SH3RF3: variants seen among roughly 807,000 people sequenced by gnomAD.
The protein encoded by SH3RF3 is E3 ubiquitin-protein ligase SH3RF3.
In SH3RF3, 29 loss-of-function variants were observed where a neutral mutation model predicts 66.3. The ratio of observed to expected loss-of-function variants is 0.44; its 90% CI spans 0.33 to 0.60. The LOEUF is 0.60. SH3RF3 is among the 20% of genes least tolerant of loss of function. SH3RF3 has a pLI of 0.04. For synonymous variants in SH3RF3, 583 were observed against 532.0 expected (o/e 1.10, Z -1.32); for missense variants, 1,194 against 1,190.9 (o/e 1.00, Z -0.04).
At position 109,347,789 on chromosome 2, in the gene SH3RF3, A is replaced by G. The variant is rs753537697; in HGVS notation, c.689A>G (p.Gln230Arg). The stretch of plus-strand genomic sequence containing the variant: ...GTCCTGCGGCGCAAGGTGGATGAAC[A>G]GTGGTACCACGGCGAGCTGCACGGC... ...IIVLRRKVDE[Q>R]WYHGELHGTQ... Residue 230 changes from glutamine to arginine, a missense_variant, in exon 2 of 10, where the codon CAG becomes CGG. Coordinates refer to ENST00000309415, the MANE Select transcript of SH3RF3 (RefSeq NM_001099289.3). 6.2e-7 allele frequency: 1 copy of G among 1,613,988 alleles called. No individual in the cohort carries two copies. Among genetic ancestry groups the G allele is most frequent in the East Asian group, 2.2e-5 (1 of 44,876 alleles).
intron 1 of SH3RF3, among the ~76,000 whole-genome samples, chr2:109,135,716 A>T (rs936787707): frequency 6.6e-6 from 1 of 152,006 alleles, no homozygotes; most frequent in African/African-American, 2.4e-5. Flanking sequence ...TTGCCTCTAG[A>T]TTCAGTCAGT....
chr2:109,339,282 G>C (rs942764834), intron 1 of SH3RF3, among the ~76,000 whole-genome samples: 19 of 151,954 alleles, frequency 1.3e-4, no homozygotes, highest in African/African-American at 4.1e-4. Context: ...CTGTTTTTTG[G>C]GGGGGTGGGG....
At chr2:109,202,553 C>T (rs571932898) in intron 1 of SH3RF3, among the ~76,000 whole-genome samples, 37 of 152,364 alleles carry the variant, frequency 2.4e-4, no homozygotes, top group African/African-American at 8.9e-4. Flanking sequence ...TCCTTCCCCT[C>T]CCAGCAGTCA....
chr2:109,252,256 A>G (rs1680111101), intron 1 of SH3RF3, among the ~76,000 whole-genome samples: 1 of 139,682 alleles, frequency 7.2e-6, no homozygotes, highest in Admixed American at 6.8e-5. Context: ...TCAGAGGAGA[A>G]AAAAAAAAAA....
intron 1 of SH3RF3, among the ~76,000 whole-genome samples, chr2:109,330,927 G>A (rs1682268080): frequency 6.6e-6 from 1 of 152,224 alleles, no homozygotes; most frequent in African/African-American, 2.4e-5. Flanking sequence ...CTTGCACAGT[G>A]TGTGCAGTGG....
intron 8 of SH3RF3, among the ~76,000 whole-genome samples, chr2:109,462,855 T>TC (rs1053045023): frequency 2.6e-5 from 4 of 152,198 alleles, no homozygotes; most frequent in African/African-American, 9.6e-5. Context: ...CATAAGCCCG[T>TC]CCCTGACTGG....
At chr2:109,286,660 C>T (rs1253602572) in intron 1 of SH3RF3, among the ~76,000 whole-genome samples, 1 of 152,186 alleles carries the variant, frequency 6.6e-6, no homozygotes, top group African/African-American at 2.4e-5. Context: ...AAGCAGGAAT[C>T]TTTTCCCCCT....
intron 1 of SH3RF3, among the ~76,000 whole-genome samples, chr2:109,181,730 C>G (rs1307257393): frequency 6.6e-6 from 1 of 152,212 alleles, no homozygotes; most frequent in Non-Finnish European, 1.5e-5. Flanking sequence ...TCTTTCTTCT[C>G]CAGCCATGGT....
At chr2:109,485,240 G>A (rs1187492528) in intron 8 of SH3RF3, among the ~76,000 whole-genome samples, 1 of 102,234 alleles carries the variant, frequency 9.8e-6, no homozygotes, top group Non-Finnish European at 2.4e-5. Flanking sequence ...GAAAGAAGTG[G>A]TGGGACAGCC....
intron 1 of SH3RF3, among the ~76,000 whole-genome samples, chr2:109,279,799 G>A (rs1356949668): frequency 1.3e-5 from 2 of 152,216 alleles, no homozygotes; most frequent in Non-Finnish European, 2.9e-5. Context: ...GGCCGGGCAA[G>A]AAGAGGTCCG....
chr2:109,206,213 G>A (rs1035566274), intron 1 of SH3RF3, among the ~76,000 whole-genome samples: 1 of 152,076 alleles, frequency 6.6e-6, no homozygotes, highest in African/African-American at 2.4e-5. Context: ...AGGCTGGGCC[G>A]GGCACGGTGG....
intron 1 of SH3RF3, among the ~76,000 whole-genome samples, chr2:109,177,718 A>G (rs539362627): frequency 2.8e-4 from 43 of 152,222 alleles, no homozygotes; most frequent in Non-Finnish European, 5.6e-4. Context: ...TAGGACAGGT[A>G]GACTTCCCAG....
At chr2:109,246,948 C>T (rs1287262173) in intron 1 of SH3RF3, among the ~76,000 whole-genome samples, 2 of 152,298 alleles carry the variant, frequency 1.3e-5, no homozygotes, top group South Asian at 2.1e-4. Context: ...CTTGAGGAGG[C>T]GTTCCCAGAG....
chr2:109,313,314 C>T (rs7570470), intron 1 of SH3RF3, among the ~76,000 whole-genome samples: 47,507 of 152,178 alleles, frequency 0.31, 9,199 homozygotes, highest in African/African-American at 0.55. Flanking sequence ...AGGGGGGAGG[C>T]TGGCATCTGT....
At chr2:109,346,879 G>A (rs961056893) in intron 1 of SH3RF3, among the ~76,000 whole-genome samples, 2 of 152,142 alleles carry the variant, frequency 1.3e-5, no homozygotes, top group African/African-American at 2.4e-5. Context: ...TGTACTTCTG[G>A]AACAGACTGC....
At chr2:109,221,787 A>G (rs1679249874) in intron 1 of SH3RF3, among the ~76,000 whole-genome samples, 1 of 152,170 alleles carries the variant, frequency 6.6e-6, no homozygotes, top group African/African-American at 2.4e-5. Context: ...CACTATGGAA[A>G]CCAGTAGGAA....
intron 1 of SH3RF3, among the ~76,000 whole-genome samples, chr2:109,306,311 A>T (rs1325724412): frequency 1.3e-5 from 2 of 152,112 alleles, no homozygotes; most frequent in African/African-American, 2.4e-5. Context: ...CCACCCTGCG[A>T]TGTTGTTCTG....
At chr2:109,232,831 CA>C (rs1161835568) in intron 1 of SH3RF3, among the ~76,000 whole-genome samples, 1 of 152,176 alleles carries the variant, frequency 6.6e-6, no homozygotes, top group South Asian at 2.1e-4. Flanking sequence ...AATTTTAATG[CA>C]AAATTTTATC....
intron 2 of SH3RF3, among the ~76,000 whole-genome samples, chr2:109,355,921 G>A (rs557254574): frequency 6.6e-5 from 10 of 152,190 alleles, no homozygotes; most frequent in Non-Finnish European, 8.8e-5. Context: ...ACAAATCAGA[G>A]TCCTGTTGTG....
Sources: gnomAD v4.1 joint callset for allele counts (sites outside exome capture counted in the v4.1 genomes callset) on GRCh38, gnomAD v4.1.1 for gene constraint, MANE v1.5 for transcripts, NCBI Gene and HGNC (gene_info 2026-07-23, HGNC 2026-07-21) for gene names.